The following SLC38A11 variants were observed in gnomAD, a reference collection of about 807,000 sequenced individuals.
The protein encoded by SLC38A11 is putative sodium-coupled neutral amino acid transporter 11.
Under a neutral mutation model 49.4 loss-of-function variants are expected in SLC38A11, and 51 were observed. The observed-to-expected ratio is 1.03, with a 90% CI of 0.83 to 1.30. SLC38A11 has a LOEUF of 1.30. Among genes scored for constraint, SLC38A11 ranks in the 50% most tolerant of loss-of-function variants. SLC38A11 has a pLI of 0.00. For missense variants in SLC38A11, 574 were observed against 556.2 expected (o/e 1.03, Z -0.32); for synonymous variants, 203 against 192.9 (o/e 1.05, Z -0.43).
In SLC38A11 at chr2:164,952,753, C is replaced by G; in HGVS notation, c.183G>C (p.Gly61=). ...IGLPYSMKQA[G]FPLGILLLFW... is the part of the protein sequence containing the mutation. ...ATAAAAGCAATATTCCCAAAGGAAA[C>G]CCAGCTTGCTTCATTGAATAAGGCA... is the stretch of plus-strand genomic sequence containing the variant. Residue 61 remains glycine, a synonymous_variant, in exon 3 of 12, where the codon GGG becomes GGC. Transcript: ENST00000685975. 2 of 1,606,508 alleles carry G rather than the reference C, an allele frequency of 1.2e-6. No individual in the cohort carries two copies. The highest frequency in any genetic ancestry group is 2.3e-5 in the South Asian group (2 of 88,736).
intron 7 of SLC38A11, among the ~76,000 whole-genome samples, chr2:164,926,340 C>T (rs76112782): frequency 0.014 from 2,137 of 152,308 alleles, 45 homozygotes; most frequent in African/African-American, 0.049. Context: ...CTTTTATACA[C>T]TGGCACAGCT....
At chr2:164,908,513 C>T (rs1046676019) in intron 11 of SLC38A11, 127 bp downstream of exon 11, 2 of 826,136 alleles carry the variant, frequency 2.4e-6, no homozygotes, top group Non-Finnish European at 3.5e-6. Context: ...TTTACTATTA[C>T]AAACATATTT....
chr2:164,932,994 C>T (rs759389873), intron 7 of SLC38A11, among the ~76,000 whole-genome samples: 1 of 151,892 alleles, frequency 6.6e-6, no homozygotes, highest in Non-Finnish European at 1.5e-5. Flanking sequence ...CCCTCTAGTT[C>T]TTCTTTATGT....
intron 3 of SLC38A11, among the ~76,000 whole-genome samples, chr2:164,952,482 A>G (rs954586160): frequency 2.0e-5 from 3 of 152,262 alleles, no homozygotes; most frequent in African/African-American, 7.2e-5. Flanking sequence ...AAAAGGATTT[A>G]GGCTTGGTAA....
At chr2:164,943,866 A>T (rs1553503403) in intron 5 of SLC38A11, among the ~76,000 whole-genome samples, 6 of 151,378 alleles carry the variant, frequency 4.0e-5, no homozygotes, top group Non-Finnish European at 8.8e-5. Flanking sequence ...TTGGTTTTTT[A>T]TTTTTTTTGA....
At chr2:164,930,940 C>G (rs1686957689) in intron 7 of SLC38A11, among the ~76,000 whole-genome samples, 1 of 151,936 alleles carries the variant, frequency 6.6e-6, no homozygotes, top group South Asian at 2.1e-4. Context: ...AAAGGGCATG[C>G]AAATAAGTAG....
At chr2:164,906,803 C>T (rs1386446733) in intron 11 of SLC38A11, among the ~76,000 whole-genome samples, 1 of 152,182 alleles carries the variant, frequency 6.6e-6, no homozygotes, top group African/African-American at 2.4e-5. Context: ...GCTTACTCCC[C>T]ACTTTCCATT....
At chr2:164,908,837 T>C in intron 10 of SLC38A11, 66 bp from the exon 11 acceptor site, 1 of 1,501,552 alleles carries the variant, frequency 6.7e-7, no homozygotes, top group South Asian at 1.3e-5. Context: ...TGAGGGAGTA[T>C]TTTACAATAG....
intron 7 of SLC38A11, among the ~76,000 whole-genome samples, chr2:164,923,632 C>T (rs1559106273): frequency 2.0e-5 from 3 of 151,262 alleles, no homozygotes; most frequent in Non-Finnish European, 4.4e-5. Context: ...CCCATCTCTA[C>T]AAAATAAAAA....
intron 7 of SLC38A11, among the ~76,000 whole-genome samples, chr2:164,935,054 C>T (rs1018213996): frequency 6.6e-6 from 1 of 152,082 alleles, no homozygotes; most frequent in Non-Finnish European, 1.5e-5. Context: ...TATTTTTCTT[C>T]CTCCAGGAAA....
intron 5 of SLC38A11, among the ~76,000 whole-genome samples, chr2:164,939,778 G>A (rs1258658263): frequency 2.0e-5 from 3 of 151,930 alleles, no homozygotes; most frequent in Non-Finnish European, 2.9e-5. Context: ...TTGAAATGAT[G>A]TTATAATATT....
intron 7 of SLC38A11, among the ~76,000 whole-genome samples, chr2:164,930,599 A>G (rs1207808625): frequency 1.3e-5 from 2 of 152,216 alleles, no homozygotes; most frequent in Non-Finnish European, 2.9e-5. Context: ...GGTTGGTTCA[A>G]TATATGCAAA....
At chr2:164,916,006 T>C in intron 7 of SLC38A11, 33 bp from the exon 8 acceptor site, 1 of 1,439,228 alleles carries the variant, frequency 6.9e-7, no homozygotes, top group Non-Finnish European at 9.7e-7. Flanking sequence ...TGATAAATTG[T>C]TAAATAAATA....
In SLC38A11 at chr2:164,950,711, T is replaced by C. The variant is rs73970937; in HGVS notation, c.229+1996A>G. On this transcript the variant is annotated intron_variant, in intron 3 of 11. Transcript: ENST00000685975. ...CAAATTAGAATTATTTGCTGTAAAT[T>C]TTTATAATTCTTTTTGTTCCCCAAC... Among the ~76,000 whole-genome samples, 393 of 152,276 alleles carry C rather than the reference T, an allele frequency of 2.6e-3. 4 individuals carry two copies. Among genetic ancestry groups the C allele is most frequent in the African/African-American group, 9.0e-3 (374 of 41,578 alleles).
chr2:164,940,481 G>C (rs1315241121), intron 5 of SLC38A11, among the ~76,000 whole-genome samples: 1 of 150,880 alleles, frequency 6.6e-6, no homozygotes, highest in East Asian at 1.9e-4. Flanking sequence ...GATGTCTTCA[G>C]TGGTACCAAG....
intron 7 of SLC38A11, among the ~76,000 whole-genome samples, chr2:164,922,622 A>T (rs1211711547): frequency 3.3e-5 from 5 of 152,244 alleles, no homozygotes; most frequent in Admixed American, 6.5e-5. Flanking sequence ...TCGCTTGCGG[A>T]TTGGAAGAAT....
At chr2:164,950,350 G>T (rs1352024164) in intron 3 of SLC38A11, among the ~76,000 whole-genome samples, 1 of 152,122 alleles carries the variant, frequency 6.6e-6, no homozygotes, top group East Asian at 1.9e-4. Flanking sequence ...TGCTGAAGAA[G>T]GGTATGGTTG....
chr2:164,929,968 C>T lies in SLC38A11; in HGVS notation c.617+7382G>A, dbSNP rs115135911. On this transcript the variant is annotated intron_variant, in intron 7 of 11. Coordinates refer to ENST00000685975, the MANE Select transcript of SLC38A11 (RefSeq NM_001351537.2). The stretch of plus-strand genomic sequence containing the variant: ...CATTCAAAAGATCAATGAATCCAGG[C>T]GCTGTTTTTTTTTAAAATTCAAAAA... 5.1e-3 allele frequency among the ~76,000 whole-genome samples: 777 copies of T among 151,146 alleles called. 8 individuals carry two copies. The highest frequency in any genetic ancestry group is 0.017 in the African/African-American group (682 of 41,224).
chr2:164,931,650 C>A (rs956872890), intron 7 of SLC38A11, among the ~76,000 whole-genome samples: 38 of 152,104 alleles, frequency 2.5e-4, no homozygotes, highest in African/African-American at 8.7e-4. Flanking sequence ...TTTGACAAAT[C>A]TGACAAAAAC....
Sources: gnomAD v4.1 joint callset for allele counts (sites outside exome capture counted in the v4.1 genomes callset) on GRCh38, gnomAD v4.1.1 for gene constraint, MANE v1.5 for transcripts, NCBI Gene and HGNC (gene_info 2026-07-23, HGNC 2026-07-21) for gene names.